TRAPPC10: variants seen among roughly 807,000 people sequenced by gnomAD.
The protein encoded by TRAPPC10 is TRAPP 130 kDa subunit.
Under a neutral mutation model 125.5 loss-of-function variants are expected in TRAPPC10, and 23 were observed. The observed-to-expected ratio is 0.18, with a 90% confidence interval of 0.13 to 0.26. The LOEUF (loss-of-function observed/expected upper bound fraction) is 0.26, where lower values mean the gene tolerates loss of function less well. Among genes scored for constraint, TRAPPC10 ranks in the 10% least tolerant of loss-of-function variants. The probability of loss-of-function intolerance (pLI) is 1.00; values close to 1 mark genes in which losing one functional copy is unlikely to be tolerated. For synonymous variants in TRAPPC10, 509 were observed against 518.0 expected, an observed-to-expected ratio of 0.98 and a Z score of 0.24; for missense variants, 1,123 against 1,308.4, an observed-to-expected ratio of 0.86 and a Z score of 2.19.
At chr21:44,069,387 G>A (rs1038324755) in intron 7 of TRAPPC10, among the ~76,000 whole-genome samples, 3 of 152,094 alleles carry the variant, frequency 2.0e-5, no homozygotes, top group Admixed American at 1.3e-4. Flanking sequence ...CCAAATGGCC[G>A]ATAAACATGA....
intron 7 of TRAPPC10, among the ~76,000 whole-genome samples, chr21:44,070,737 A>G (rs890221495): frequency 6.6e-6 from 1 of 152,130 alleles, no homozygotes; most frequent in Non-Finnish European, 1.5e-5. Flanking sequence ...CTCAAGCTGC[A>G]CTCTAATGGG....
intron 15 of TRAPPC10, among the ~76,000 whole-genome samples, chr21:44,086,069 T>G (rs987472054): frequency 3.9e-5 from 6 of 152,224 alleles, no homozygotes; most frequent in Non-Finnish European, 8.8e-5. Context: ...ATTCTTCCAT[T>G]GGAACATTGT....
chr21:44,059,060 T>G lies in TRAPPC10; in HGVS notation c.679-43T>G, dbSNP rs763650974. 1.8e-5 allele frequency: 27 copies of G among 1,468,978 alleles called. No homozygotes were observed. The highest frequency in any genetic ancestry group is 2.3e-5 in the Non-Finnish European group (25 of 1,076,740). 91.0% of individuals were successfully genotyped at this position (1,468,978 alleles called of 1,614,324 possible). On this transcript the variant is annotated intron_variant, in intron 5 of 22. Coordinates refer to ENST00000291574, the MANE Select transcript of TRAPPC10 (RefSeq NM_003274.5). This position sits in a 1 kb window ranked among gnomAD's most constrained non-coding sequence, Gnocchi z 4.4. ...ACATACTGTTTCTTCTATACATTGA[T>G]TTATGTTTTTGTTTTTTTAAAAAAC...
At chr21:44,061,395 A>G (rs2036045443) in intron 6 of TRAPPC10, among the ~76,000 whole-genome samples, 2 of 151,880 alleles carry the variant, frequency 1.3e-5, no homozygotes, top group African/African-American at 2.4e-5. Flanking sequence ...CAGCCTCCCA[A>G]AGTGCTGGGA....
At chr21:44,041,796 G>A (rs761624882) in intron 3 of TRAPPC10, among the ~76,000 whole-genome samples, 10 of 151,872 alleles carry the variant, frequency 6.6e-5, no homozygotes, top group African/African-American at 1.2e-4. Context: ...GCGCATTCTC[G>A]ACTCACTGCA....
At chr21:44,056,622 C>T (rs374120939) in intron 5 of TRAPPC10, among the ~76,000 whole-genome samples, 2 of 152,276 alleles carry the variant, frequency 1.3e-5, no homozygotes, top group African/African-American at 2.4e-5. Flanking sequence ...ACGGCAGTCA[C>T]GGAACATATC....
At position 44,087,974 on chromosome 21, in the gene TRAPPC10, C is replaced by A; in HGVS notation, c.2769+46C>A. ...AGCTTAGCTTGTGGGGCGTCCGCCG[C>A]CCGCCTGCCTGCTGGGAAAGGCGAT... On this transcript the variant is annotated intron_variant, in intron 17 of 22. Transcript: ENST00000291574. This position sits in a 1 kb window ranked among gnomAD's most constrained non-coding sequence, Gnocchi z 4.6. 2 of 1,521,958 alleles carry A rather than the reference C, an allele frequency of 1.3e-6. No homozygotes were observed. The highest frequency in any genetic ancestry group is 1.8e-6 in the Non-Finnish European group (2 of 1,115,766). The allele number at this position is 1,521,958 out of a possible 1,614,324, so 94.3% of individuals were successfully genotyped here. A position where few individuals can be genotyped will look rare whatever the true frequency, so the allele number is the denominator to read the frequency against.
At chr21:44,020,148 T>C (rs922404405) in intron 1 of TRAPPC10, among the ~76,000 whole-genome samples, 5 of 149,946 alleles carry the variant, frequency 3.3e-5, no homozygotes, top group Non-Finnish European at 7.4e-5. Flanking sequence ...TGAGACAGAG[T>C]CTCGCTCTAT....
At chr21:44,053,401 T>G (rs923281591) in intron 4 of TRAPPC10, among the ~76,000 whole-genome samples, 5 of 152,244 alleles carry the variant, frequency 3.3e-5, no homozygotes, top group Admixed American at 2.6e-4. Flanking sequence ...CCACAAACAA[T>G]AAATGCATTT....
chr21:44,083,091 T>C lies in TRAPPC10; in HGVS notation c.2027T>C (p.Leu676Ser), dbSNP rs1280361992. Residue 676 changes from leucine (L) to serine (S), a missense_variant, in exon 14 of 23, where the codon TTG (leucine) becomes TCG (serine). Physicochemically the swap from Leu to Ser is moderately radical, Grantham distance 145 (BLOSUM62 -2). Transcript: ENST00000291574. ...CAAAACAGTTTGCCCGCGCTGGAGTTGTATGAAATGTTTGAGAGAAGCCCA... is the reference window on the plus strand; with the variant it reads ...CAAAACAGTTTGCCCGCGCTGGAGTCGTATGAAATGTTTGAGAGAAGCCCA... ...VSQNSLPALE[L>S]YEMFERSPSD... 6.2e-7 allele frequency: 1 copy of C among 1,613,928 alleles called. No individual in the cohort carries two copies. The highest frequency in any genetic ancestry group is 8.5e-7 in the Non-Finnish European group (1 of 1,180,000).
intron 3 of TRAPPC10, among the ~76,000 whole-genome samples, chr21:44,040,427 C>T (rs1668595119): frequency 1.3e-5 from 2 of 152,062 alleles, no homozygotes; most frequent in South Asian, 4.1e-4. Flanking sequence ...ACTGCAACCT[C>T]AACCTCCCGG....
chr21:44,074,440 T>C lies in TRAPPC10; in HGVS notation c.1155T>C (p.Thr385=). ...AGATCGACTCAAACATTGCCCACAC[T>C]GTGGGGCTATGGAGCTATGCCACAG... The part of the protein sequence containing the change: ...RAQIDSNIAH[T]VGLWSYATEK... Residue 385 remains threonine (T), a synonymous_variant, in exon 8 of 23, where the codon ACT becomes ACC. Transcript: ENST00000291574. 1 of 1,614,222 alleles carries C rather than the reference T, an allele frequency of 6.2e-7. No homozygotes were observed. Among genetic ancestry groups the C allele is most frequent in the South Asian group, 1.1e-5 (1 of 91,088 alleles).
rs143095985 is a variant in TRAPPC10, at chr21:44,084,196, C to T, written c.2313C>T (p.His771=). Residue 771 remains histidine (H), a synonymous_variant, in exon 15 of 23, where the codon CAC becomes CAT. Coordinates refer to ENST00000291574, the MANE Select transcript of TRAPPC10 (RefSeq NM_003274.5). ...GCTCCGTGTGGTTCGTCCTCCCTCA[C>T]ATCTACCCCATTGTGCAGTACGACG... ...SVGSVWFVLP[H]IYPIVQYDVY... 30 of 1,614,216 alleles carry T rather than the reference C, an allele frequency of 1.9e-5. No individual in the cohort carries two copies. The African/African-American group carries it at 3.5e-4, about 19-fold the overall frequency.
At chr21:44,025,954 G>A (rs542448368) in intron 1 of TRAPPC10, among the ~76,000 whole-genome samples, 5 of 151,794 alleles carry the variant, frequency 3.3e-5, no homozygotes, top group African/African-American at 1.2e-4. Flanking sequence ...TTAAGCCGGC[G>A]ATGACATGGC....
In TRAPPC10 at chr21:44,059,085, C is replaced by T. The variant is rs376788035; in HGVS notation, c.679-18C>T. The T allele has an allele frequency of 3.5e-5, 54 of 1,559,710 alleles. No individual in the cohort carries two copies. Among genetic ancestry groups the T allele is most frequent in the African/African-American group, 1.9e-4 (14 of 72,238 alleles). ...TTTATGTTTTTGTTTTTTTAAAAAA[C>T]GTATCTTGGGCGAATAGGAGGAGCT... is the stretch of plus-strand genomic sequence containing the variant. On this transcript the variant is annotated intron_variant, in intron 5 of 22. Coordinates refer to ENST00000291574, the MANE Select transcript of TRAPPC10 (RefSeq NM_003274.5). The surrounding 1 kb of genome is among the most constrained non-coding windows in gnomAD (Gnocchi z 4.4).
intron 2 of TRAPPC10, among the ~76,000 whole-genome samples, chr21:44,033,398 G>A (rs572917729): frequency 2.0e-5 from 3 of 152,256 alleles, no homozygotes; most frequent in Non-Finnish European, 4.4e-5. Context: ...AATATAAAGA[G>A]TGTACAGAGT....
intron 6 of TRAPPC10, among the ~76,000 whole-genome samples, chr21:44,061,617 A>G (rs961355668): frequency 6.6e-6 from 1 of 152,214 alleles, no homozygotes; most frequent in African/African-American, 2.4e-5. Context: ...TTATTTAGCA[A>G]AAAACGTTTG....
Position 44,012,487 on chromosome 21 carries a change from G to C in TRAPPC10, c.-7G>C. 1 of 1,482,014 alleles carries C rather than the reference G, an allele frequency of 6.7e-7. No homozygotes were observed. 91.8% of individuals were successfully genotyped at this position (1,482,014 alleles called of 1,614,324 possible). On this transcript the variant is annotated 5_prime_UTR_variant, in exon 1 of 23. Coordinates refer to ENST00000291574, the MANE Select transcript of TRAPPC10 (RefSeq NM_003274.5). ...GCGGGGGGCCGGGCCGGTGACGCCG[G>C]ACGCCCATGGACGCCTCTGAGGAGC...
Position 44,037,851 on chromosome 21 carries a change from A to T in TRAPPC10, c.209A>T (p.Glu70Val). The T allele has an allele frequency of 6.2e-7, 1 of 1,614,214 alleles. No homozygotes were observed. Among genetic ancestry groups the T allele is most frequent in the Non-Finnish European group, 8.5e-7 (1 of 1,180,040 alleles). The change falls in exon 3 of 23, where the codon GAG becomes GTG. Residue 70 changes from glutamate (E) to valine (V), a missense_variant. Glu to Val is a moderately radical substitution (Grantham distance 121). Coordinates refer to ENST00000291574, the MANE Select transcript of TRAPPC10 (RefSeq NM_003274.5). ...GAGTCTAACTTTGTTCAATTCAAAG[A>T]GGAGCTGCTGCCCAAAGAAGGAAAC... ...HLESNFVQFK[E>V]ELLPKEGNKA...
Sources: allele counts gnomAD v4.1 joint callset (sites outside exome capture counted in the v4.1 genomes callset), GRCh38; gene constraint gnomAD v4.1.1; non-coding constraint Gnocchi (gnomAD v3.1); transcripts MANE v1.5; gene names NCBI Gene and HGNC (gene_info 2026-07-23, HGNC 2026-07-21).